The following POTEG variants were observed in gnomAD, a reference collection of about 807,000 sequenced individuals.
The protein encoded by POTEG is POTE ankyrin domain family member G, also known as ANKRD26-like family C member 2.
In POTEG, 2 loss-of-function variants were observed where a neutral mutation model predicts 49.6. That is an observed-to-expected ratio of 0.04 (90% confidence interval 0.02 to 0.13). The LOEUF is 0.13. POTEG is among the 10% of genes least tolerant of loss of function. The pLI, the probability that POTEG is intolerant of heterozygous loss-of-function variation, is 1.00. For synonymous variants in POTEG, 7 were observed against 186.6 expected (o/e 0.04, Z 7.84); for missense variants, 26 against 545.2 (o/e 0.05, Z 9.48).
intron 1 of POTEG, among the ~76,000 whole-genome samples, chr14:19,433,438 A>G (rs1464538205): frequency 6.0e-5 from 4 of 66,394 alleles, no homozygotes; most frequent in Admixed American, 3.2e-4. Flanking sequence ...AGTTCTCAAT[A>G]TACACTTTTT....
chr14:19,431,452 G>GA (rs1480074018), intron 1 of POTEG, among the ~76,000 whole-genome samples: 94 of 150,838 alleles, frequency 6.2e-4, no homozygotes, highest in African/African-American at 2.3e-3. Context: ...AACTGATGAG[G>GA]AAAAAGCATA....
chr14:19,419,837 T>A (rs1342116461), intron 6 of POTEG, among the ~76,000 whole-genome samples: 7 of 123,710 alleles, frequency 5.7e-5, no homozygotes, highest in Admixed American at 3.4e-4. Flanking sequence ...CAACTCTGGT[T>A]CCTACTGTTT....
chr14:19,425,531 T>G, intron 4 of POTEG, 75 bp downstream of exon 4: 5 of 591,232 alleles, frequency 8.5e-6, no homozygotes, highest in Non-Finnish European at 1.2e-5. Flanking sequence ...AAGTATACAT[T>G]AATCTTATTT....
At chr14:19,425,563 T>C (rs1457785417) in intron 4 of POTEG, 43 bp downstream of exon 4, 1 of 702,632 alleles carries the variant, frequency 1.4e-6, no homozygotes, top group Admixed American at 3.5e-5. Context: ...CTTGAGTGAC[T>C]GCTATCCATC....
chr14:19,415,843 T>TC (rs1883539650), intron 7 of POTEG, among the ~76,000 whole-genome samples: 2 of 136,382 alleles, frequency 1.5e-5, no homozygotes, highest in East Asian at 4.3e-4. Context: ...TTTTTTTTTT[T>TC]TTTTTTTTTT....
intron 1 of POTEG, among the ~76,000 whole-genome samples, chr14:19,429,573 A>AT (rs1290484989): frequency 7.6e-6 from 1 of 131,520 alleles, no homozygotes; most frequent in Non-Finnish European, 1.6e-5. Context: ...CTCCACTGAA[A>AT]TACCACTTAC....
chr14:19,432,450 A>G (rs1202778687), intron 1 of POTEG, among the ~76,000 whole-genome samples: 2 of 61,482 alleles, frequency 3.3e-5, no homozygotes, highest in Non-Finnish European at 9.8e-5. Flanking sequence ...ATATATACAT[A>G]TATATATACA....
chr14:19,405,992 CACAA>C (rs1883288939), intron 9 of POTEG, among the ~76,000 whole-genome samples: 1 of 19,392 alleles, frequency 5.2e-5, no homozygotes, highest in Admixed American at 6.5e-4. Flanking sequence ...TAACAGATGA[CACAA>C]ACAAATGAAA....
chr14:19,415,318 A>G (rs1883510335), intron 7 of POTEG, among the ~76,000 whole-genome samples: 1 of 143,258 alleles, frequency 7.0e-6, no homozygotes, highest in African/African-American at 2.5e-5. Flanking sequence ...CACTAACACC[A>G]AAGGTCCCAT....
At chr14:19,432,478 A>ATGTG (rs1491426202) in intron 1 of POTEG, among the ~76,000 whole-genome samples, 8 of 104,482 alleles carry the variant, frequency 7.7e-5, no homozygotes, top group Non-Finnish European at 1.3e-4. Context: ...ATATATATAC[A>ATGTG]TGTGTATATA....
At chr14:19,430,842 C>T (rs1225496938) in intron 1 of POTEG, among the ~76,000 whole-genome samples, 1 of 146,466 alleles carries the variant, frequency 6.8e-6, no homozygotes. Context: ...TTAATTCATA[C>T]TTTTTACATG....
chr14:19,410,080 T>TTTAAATACATCCACTGAG (rs1883401856), intron 9 of POTEG, among the ~76,000 whole-genome samples: 1 of 128,030 alleles, frequency 7.8e-6, no homozygotes, highest in Non-Finnish European at 1.8e-5. Context: ...TGACTTATGT[T>TTTAAATACATCCACTGAG]TTAAATACAT....
chr14:19,432,403 T>TATATATATATACAC (rs1330765784), intron 1 of POTEG, among the ~76,000 whole-genome samples: 53 of 44,648 alleles, frequency 1.2e-3, no homozygotes, highest in Non-Finnish European at 1.9e-3. Flanking sequence ...TATATATATA[T>TATATATATATACAC]ACACACACAT....
At position 19,402,929 on chromosome 14, in the gene POTEG, G is replaced by A. The variant is rs1883246881; in HGVS notation, c.*182C>T. 3 of 235,990 alleles carry A rather than the reference G, an allele frequency of 1.3e-5. No individual in the cohort carries two copies. 14.6% of individuals were successfully genotyped at this position (235,990 alleles called of 1,614,324 possible). On this transcript the variant is annotated 3_prime_UTR_variant, in exon 11 of 11. Coordinates refer to ENST00000547848, the MANE Select transcript of POTEG (RefSeq NM_001005356.3). ...TCCATGGTGAGCTCATTCAGTTGTA[G>A]ACCCTTTAAAAGATTATCATTCTTT...
At chr14:19,433,152 C>T (rs1241152104) in intron 1 of POTEG, among the ~76,000 whole-genome samples, 10 of 148,660 alleles carry the variant, frequency 6.7e-5, no homozygotes, top group African/African-American at 2.5e-4. Flanking sequence ...TGGTCTCGAT[C>T]TCCTGACCCC....
intron 7 of POTEG, among the ~76,000 whole-genome samples, chr14:19,415,850 T>C (rs1883540254): frequency 1.4e-5 from 2 of 141,316 alleles, no homozygotes; most frequent in African/African-American, 5.0e-5. Flanking sequence ...TTTTTTTTTT[T>C]TTTTTTTTTT....
intron 1 of POTEG, among the ~76,000 whole-genome samples, chr14:19,433,285 C>A (rs1486988189): frequency 1.7e-5 from 2 of 118,468 alleles, no homozygotes; most frequent in African/African-American, 3.3e-5. Context: ...AACCATCTTC[C>A]CATTTCAGTT....
At chr14:19,432,366 G>GTATATATATATATA (rs58599371) in intron 1 of POTEG, among the ~76,000 whole-genome samples, 2 of 37,898 alleles carry the variant, frequency 5.3e-5, no homozygotes, top group Non-Finnish European at 9.3e-5. Context: ...AAGAAATTTT[G>GTATATATATATATA]TATATATATA....
At chr14:19,415,276 C>T (rs1883508284) in intron 7 of POTEG, among the ~76,000 whole-genome samples, 1 of 141,562 alleles carries the variant, frequency 7.1e-6, no homozygotes, top group Admixed American at 7.1e-5. Flanking sequence ...TTTTCTGCAA[C>T]TGAAATAAAT....
Sources: allele counts gnomAD v4.1 joint callset (sites outside exome capture counted in the v4.1 genomes callset), GRCh38; gene constraint gnomAD v4.1.1; transcripts MANE v1.5; gene names NCBI Gene and HGNC (gene_info 2026-07-23, HGNC 2026-07-21).